The following GON4L variants were observed in gnomAD, a reference collection of about 807,000 sequenced individuals.
The protein encoded by GON4L is GON-4-like protein.
A neutral mutation model predicts 211.8 loss-of-function variants in GON4L; 87 were observed. That is an observed-to-expected ratio of 0.41 (90% CI 0.35 to 0.49). The LOEUF (loss-of-function observed/expected upper bound fraction) is 0.49, where lower values mean the gene tolerates loss of function less well. GON4L is among the 20% of genes least tolerant of loss of function. The pLI is 0.15. For synonymous variants in GON4L, 875 were observed against 962.6 expected (o/e 0.91, Z 1.68); for missense variants, 2,155 against 2,659.5 (o/e 0.81, Z 4.17).
At chr1:155,838,892 T>C (rs570650262) in intron 2 of GON4L, among the ~76,000 whole-genome samples, 5 of 151,930 alleles carry the variant, frequency 3.3e-5, no homozygotes, top group South Asian at 2.1e-4. Context: ...TGGATGCTTA[T>C]TGGATGCCTG....
At position 155,766,218 on chromosome 1, in the gene GON4L, C is replaced by T; in HGVS notation, c.3255G>A (p.Leu1085=). Residue 1085 remains leucine (L), a synonymous_variant, in exon 21 of 32, where the codon CTG becomes CTA. Transcript: ENST00000368331. ...VPPEARTSFP[L]SESQTLLSSA... is the part of the protein sequence containing the mutation. ...AAGAGAGCAAAGTCTGGGACTCAGA[C>T]AGAGGGAAGCTTGTCCTGGCCTCAG... 6.2e-7 allele frequency: 1 copy of T among 1,614,118 alleles called. No individual in the cohort carries two copies.
At chr1:155,750,827 T>C in intron 31 of GON4L, 94 bp from the exon 32 acceptor site, 3 of 1,225,066 alleles carry the variant, frequency 2.4e-6, no homozygotes, top group South Asian at 2.6e-5. Flanking sequence ...GCAGTGGCAC[T>C]GTGTCAGCTT....
At chr1:155,842,778 A>G (rs1465785167) in intron 2 of GON4L, among the ~76,000 whole-genome samples, 1 of 152,016 alleles carries the variant, frequency 6.6e-6, no homozygotes, top group East Asian at 1.9e-4. Context: ...CGGAGGTTGC[A>G]GTGAGCCAAG....
intron 12 of GON4L, among the ~76,000 whole-genome samples, chr1:155,794,570 C>T (rs1194321777): frequency 6.6e-6 from 1 of 152,110 alleles, no homozygotes; most frequent in Non-Finnish European, 1.5e-5. Context: ...CCCTATTCAC[C>T]AAATTTCTTA....
At chr1:155,761,781 C>T (rs574448292) in intron 23 of GON4L, among the ~76,000 whole-genome samples, 1 of 152,130 alleles carries the variant, frequency 6.6e-6, no homozygotes, top group Non-Finnish European at 1.5e-5. Context: ...AGGTGTCAGC[C>T]ACCACGCCCA....
chr1:155,787,024 C>T (rs1665014540), intron 12 of GON4L, among the ~76,000 whole-genome samples: 2 of 151,886 alleles, frequency 1.3e-5, no homozygotes, highest in Non-Finnish European at 2.9e-5. Flanking sequence ...CAGGTTCACG[C>T]CATTCTCCTG....
At chr1:155,757,134 G>GT (rs1557824200) in intron 26 of GON4L, 46 bp downstream of exon 26, 1 of 1,613,788 alleles carries the variant, frequency 6.2e-7, no homozygotes, top group Non-Finnish European at 8.5e-7. Context: ...CCTCCCACGT[G>GT]TGGCCTTCCC....
intron 2 of GON4L, among the ~76,000 whole-genome samples, chr1:155,847,828 C>T (rs565407542): frequency 4.6e-5 from 7 of 152,022 alleles, no homozygotes; most frequent in African/African-American, 1.7e-4. Flanking sequence ...GAGCCAAGAT[C>T]GTGCCACTAC....
At chr1:155,805,932 G>A (rs1334253130) in intron 10 of GON4L, among the ~76,000 whole-genome samples, 1 of 150,554 alleles carries the variant, frequency 6.6e-6, no homozygotes, top group Non-Finnish European at 1.5e-5. Flanking sequence ...TCAGGTATCT[G>A]CCCACCTCAG....
intron 13 of GON4L, chr1:155,784,357 C>A: frequency 7.1e-6 from 1 of 140,128 alleles, no homozygotes; most frequent in Non-Finnish European, 1.3e-5. Flanking sequence ...ATCTCTCTCT[C>A]CTTTTTTTTT....
At position 155,776,538 on chromosome 1, in the gene GON4L, T is replaced by C; in HGVS notation, c.2092-57A>G. ...TGTTACCACATTGTCATTTCAGGAA[T>C]CCAGAGAGATCTTTTTTTTTTTTCT... is the stretch of plus-strand genomic sequence containing the variant. On this transcript the variant is annotated intron_variant, in intron 15 of 31. Transcript: ENST00000368331. The C allele has an allele frequency of 1.6e-6, 2 of 1,245,778 alleles. 1 individual carries two copies. The allele number at this position is 1,245,778 out of a possible 1,614,324, so 77.2% of individuals were successfully genotyped here.
intron 11 of GON4L, among the ~76,000 whole-genome samples, chr1:155,804,121 G>A (rs1229168657): frequency 6.6e-6 from 1 of 152,148 alleles, no homozygotes; most frequent in Non-Finnish European, 1.5e-5. Flanking sequence ...AGTGGCTCAT[G>A]CCTGTAATCC....
chr1:155,765,519 A>G lies in GON4L; in HGVS notation c.3954T>C (p.Pro1318=). 1 of 1,614,152 alleles carries G rather than the reference A, an allele frequency of 6.2e-7. No individual in the cohort carries two copies. The change falls in exon 21 of 32, where the codon CCT becomes CCC. Residue 1318 remains proline, a synonymous_variant. Coordinates refer to ENST00000368331, the MANE Select transcript of GON4L (RefSeq NM_001282860.2). ...GIQESLNNPT[P]GDLEEIVKME... Reference sequence around the variant, plus strand: ...TCTTGACAATTTCCTCTAAATCCCCAGGGGTAGGGTTGTTTAGAGACTCCT... The same window carrying G: ...TCTTGACAATTTCCTCTAAATCCCCGGGGGTAGGGTTGTTTAGAGACTCCT...
At chr1:155,790,813 G>C (rs530383249) in intron 12 of GON4L, among the ~76,000 whole-genome samples, 1 of 150,364 alleles carries the variant, frequency 6.7e-6, no homozygotes, top group Non-Finnish European at 1.5e-5. Flanking sequence ...GCATGGTGGC[G>C]CGTGACTATA....
chr1:155,757,026 GCTC>G lies in GON4L; in HGVS notation c.5446_5448del (p.Glu1816del). ...TTTGAGGCTGTGGGTATCTTGGGAG[GCTC>G]CTCCTCTTCTTCCACATCAGGCAGG... On this transcript the variant is annotated inframe_deletion, in exon 27 of 32. Coordinates refer to ENST00000368331, the MANE Select transcript of GON4L (RefSeq NM_001282860.2). 5 of 1,613,630 alleles carry G rather than the reference GCTC, an allele frequency of 3.1e-6. No homozygotes were observed. Among genetic ancestry groups the G allele is most frequent in the Non-Finnish European group, 4.2e-6 (5 of 1,179,626 alleles).
chr1:155,787,296 T>C (rs1417030550), intron 12 of GON4L, among the ~76,000 whole-genome samples: 1 of 152,036 alleles, frequency 6.6e-6, no homozygotes, highest in East Asian at 1.9e-4. Context: ...TTTTGGTTGT[T>C]ACAAGAATCT....
chr1:155,853,993 T>C (rs1672042511), intron 1 of GON4L, among the ~76,000 whole-genome samples, 187 bp from the exon 2 acceptor site: 1 of 152,202 alleles, frequency 6.6e-6, no homozygotes, highest in Admixed American at 6.5e-5. Context: ...ACTCTACTGA[T>C]TACTACTGAT....
chr1:155,829,863 A>T (rs1429713257), intron 2 of GON4L, among the ~76,000 whole-genome samples: 4 of 152,196 alleles, frequency 2.6e-5, no homozygotes, highest in African/African-American at 9.6e-5. Flanking sequence ...AGAGGGGAAA[A>T]AAAGGTTGTA....
At chr1:155,771,461 G>A (rs1297497381) in intron 18 of GON4L, among the ~76,000 whole-genome samples, 1 of 151,878 alleles carries the variant, frequency 6.6e-6, no homozygotes, top group Admixed American at 6.6e-5. Flanking sequence ...GCCATGGTGT[G>A]TGGCCCAATC....
Sources: gnomAD v4.1 joint callset for allele counts (sites outside exome capture counted in the v4.1 genomes callset) on GRCh38, gnomAD v4.1.1 for gene constraint, MANE v1.5 for transcripts, NCBI Gene and HGNC (gene_info 2026-07-23, HGNC 2026-07-21) for gene names.